MACROD2: variants seen among roughly 807,000 people sequenced by gnomAD.
MACROD2 encodes mono-ADP ribosylhydrolase 2.
Under a neutral mutation model 70.4 loss-of-function variants are expected in MACROD2, and 36 were observed. That is an observed-to-expected ratio of 0.51 (90% CI 0.39 to 0.68). MACROD2 has a LOEUF of 0.68. Ranked by LOEUF, MACROD2 falls within the 30% of genes least tolerant of loss-of-function variation. The probability of loss-of-function intolerance (pLI) is 0.00; values close to 1 mark genes in which losing one functional copy is unlikely to be tolerated. For missense variants in MACROD2, 496 were observed against 538.4 expected, an observed-to-expected ratio of 0.92 and a Z score of 0.78; for synonymous variants, 172 against 178.8, an observed-to-expected ratio of 0.96 and a Z score of 0.30.
chr20:14,925,678 A>G (rs1391089432), intron 5 of MACROD2, among the ~76,000 whole-genome samples: 1 of 152,224 alleles, frequency 6.6e-6, no homozygotes, highest in Non-Finnish European at 1.5e-5. Flanking sequence ...TGATTTGTAT[A>G]GCGTAGAATG....
At chr20:15,456,018 G>A (rs2046720154) in intron 7 of MACROD2, among the ~76,000 whole-genome samples, 1 of 152,128 alleles carries the variant, frequency 6.6e-6, no homozygotes, top group African/African-American at 2.4e-5. Flanking sequence ...CTTGCAGCAG[G>A]ATGTCTCCGC....
chr20:15,383,613 A>G (rs1207048953), intron 6 of MACROD2, among the ~76,000 whole-genome samples: 1 of 152,198 alleles, frequency 6.6e-6, no homozygotes, highest in African/African-American at 2.4e-5. Flanking sequence ...TAAGCATCAA[A>G]CAATTGCATT....
At chr20:14,830,366 G>A (rs1416480638) in intron 5 of MACROD2, among the ~76,000 whole-genome samples, 1 of 152,014 alleles carries the variant, frequency 6.6e-6, no homozygotes, top group Non-Finnish European at 1.5e-5. Context: ...TGTAAAACTG[G>A]CAAGTTTCTT....
At chr20:15,239,631 T>A (rs552515169) in intron 6 of MACROD2, among the ~76,000 whole-genome samples, 1 of 152,186 alleles carries the variant, frequency 6.6e-6, no homozygotes, top group African/African-American at 2.4e-5. Flanking sequence ...TCTGAGCCCA[T>A]GTTCTGAAAA....
intron 5 of MACROD2, among the ~76,000 whole-genome samples, chr20:14,874,935 C>G (rs1187135654): frequency 6.6e-6 from 1 of 151,540 alleles, no homozygotes; most frequent in Non-Finnish European, 1.5e-5. Flanking sequence ...AAACTCCTGG[C>G]CTCATATGAT....
chr20:15,443,275 G>C (rs1052370352), intron 7 of MACROD2, among the ~76,000 whole-genome samples: 3 of 151,460 alleles, frequency 2.0e-5, no homozygotes, highest in African/African-American at 7.3e-5. Flanking sequence ...GTTTAGGGCA[G>C]AGTCTGATCA....
chr20:15,653,471 A>C (rs1025856644), intron 8 of MACROD2, among the ~76,000 whole-genome samples: 1 of 152,298 alleles, frequency 6.6e-6, no homozygotes, highest in East Asian at 1.9e-4. Flanking sequence ...ACTCAGTCTG[A>C]ATGTGCAGCA....
intron 3 of MACROD2, among the ~76,000 whole-genome samples, chr20:14,273,401 A>C (rs1211557245): frequency 5.3e-5 from 8 of 150,840 alleles, no homozygotes; most frequent in African/African-American, 1.9e-4. Flanking sequence ...ACTACTGGGT[A>C]CATAACGAAA....
At chr20:15,042,524 C>A (rs942142381) in intron 5 of MACROD2, among the ~76,000 whole-genome samples, 4 of 152,138 alleles carry the variant, frequency 2.6e-5, no homozygotes, top group African/African-American at 9.7e-5. Flanking sequence ...TGGGGCCAAG[C>A]AGGGAAGAAA....
intron 3 of MACROD2, among the ~76,000 whole-genome samples, chr20:14,489,181 C>T (rs1042522254): frequency 6.6e-6 from 1 of 152,184 alleles, no homozygotes; most frequent in African/African-American, 2.4e-5. Context: ...TTTCTCGCTT[C>T]GTCAGCTTCA....
intron 6 of MACROD2, among the ~76,000 whole-genome samples, chr20:15,409,527 T>C (rs1336784704): frequency 6.6e-6 from 1 of 152,208 alleles, no homozygotes; most frequent in East Asian, 1.9e-4. Flanking sequence ...ATGGCACTGA[T>C]ATGAGCATAC....
At chr20:14,012,409 G>A (rs1448423795) in intron 2 of MACROD2, among the ~76,000 whole-genome samples, 1 of 152,146 alleles carries the variant, frequency 6.6e-6, no homozygotes, top group Non-Finnish European at 1.5e-5. Context: ...TGCATTTTTA[G>A]TATGAGATTA....
At chr20:14,974,083 C>T (rs1159619456) in intron 5 of MACROD2, among the ~76,000 whole-genome samples, 1 of 152,134 alleles carries the variant, frequency 6.6e-6, no homozygotes, top group Non-Finnish European at 1.5e-5. Context: ...TATGAAATAA[C>T]AGATTGAACT....
intron 6 of MACROD2, among the ~76,000 whole-genome samples, chr20:15,374,620 C>T (rs996825543): frequency 1.3e-5 from 2 of 152,080 alleles, no homozygotes; most frequent in African/African-American, 4.8e-5. Context: ...GTTGATATAA[C>T]TGATCTTTGG....
At chr20:14,549,520 T>G (rs1978513315) in intron 4 of MACROD2, among the ~76,000 whole-genome samples, 1 of 152,192 alleles carries the variant, frequency 6.6e-6, no homozygotes, top group Non-Finnish European at 1.5e-5. Flanking sequence ...TTATGATTAT[T>G]TTAGTAATTT....
chr20:14,214,581 A>G (rs1196329657), intron 3 of MACROD2, among the ~76,000 whole-genome samples: 1 of 149,732 alleles, frequency 6.7e-6, no homozygotes, highest in African/African-American at 2.4e-5. Flanking sequence ...TTATCCAGCA[A>G]TGTTCTTTTT....
intron 7 of MACROD2, among the ~76,000 whole-genome samples, chr20:15,491,584 A>G (rs1196900717): frequency 6.6e-6 from 1 of 152,218 alleles, no homozygotes; most frequent in Non-Finnish European, 1.5e-5. Context: ...TCACTGAGCA[A>G]CTCTGGGAAA....
At chr20:15,726,514 G>A (rs2050864622) in intron 8 of MACROD2, among the ~76,000 whole-genome samples, 1 of 152,090 alleles carries the variant, frequency 6.6e-6, no homozygotes, top group Admixed American at 6.6e-5. Context: ...ACACTACTGT[G>A]CACGGTGGCT....
intron 5 of MACROD2, among the ~76,000 whole-genome samples, chr20:15,005,701 C>G (rs928512912): frequency 6.6e-6 from 1 of 152,010 alleles, no homozygotes; most frequent in Admixed American, 6.6e-5. Context: ...TCTCAAATTG[C>G]GAATTCTGAG....
Sources: allele counts gnomAD v4.1 joint callset (sites outside exome capture counted in the v4.1 genomes callset), GRCh38; gene constraint gnomAD v4.1.1; transcripts MANE v1.5; gene names NCBI Gene and HGNC (gene_info 2026-07-23, HGNC 2026-07-21).